The following MMS22L variants were observed in gnomAD, a reference collection of about 807,000 sequenced individuals.
The protein encoded by MMS22L is protein MMS22-like.
Under a neutral mutation model 159.1 loss-of-function variants are expected in MMS22L, and 74 were observed. The observed-to-expected ratio is 0.47, with a 90% CI of 0.39 to 0.56. The LOEUF is 0.56. Among genes scored for constraint, MMS22L ranks in the 20% least tolerant of loss-of-function variants. The pLI is 0.00. For missense variants in MMS22L, 1,351 were observed against 1,422.1 expected (o/e 0.95, Z 0.80); for synonymous variants, 517 against 506.9 (o/e 1.02, Z -0.27).
chr6:97,186,711 A>G (rs1805280389), intron 14 of MMS22L, 21 bp from the exon 15 acceptor site: 3 of 1,474,556 alleles, frequency 2.0e-6, no homozygotes, highest in East Asian at 5.0e-5. Flanking sequence ...ATAAAAATAC[A>G]GCTAACACCC....
chr6:97,162,631 TC>T (rs1031962330), intron 21 of MMS22L, among the ~76,000 whole-genome samples: 19 of 151,994 alleles, frequency 1.3e-4, no homozygotes, highest in African/African-American at 4.3e-4. Context: ...CAGAGGACTG[TC>T]CTAGGAATAA....
chr6:97,213,522 A>G (rs1179492898), intron 14 of MMS22L, among the ~76,000 whole-genome samples: 1 of 152,216 alleles, frequency 6.6e-6, no homozygotes, highest in African/African-American at 2.4e-5. Flanking sequence ...GAGAAGCAAT[A>G]GCAGCTGGGA....
intron 14 of MMS22L, among the ~76,000 whole-genome samples, chr6:97,227,736 T>C (rs1810413093): frequency 6.6e-6 from 1 of 152,208 alleles, no homozygotes; most frequent in East Asian, 1.9e-4. Flanking sequence ...AGTCTGTTTA[T>C]CTTTGGACAT....
In MMS22L at chr6:97,282,697, T is replaced by C. The variant is rs188549273; in HGVS notation, c.-76-144A>G. Reference sequence around the variant, plus strand: ...CCCCTCGCCCTCCGTCCATCAAGGCTGTCAGAACTTAAGACAAAATGCACA... The same window carrying C: ...CCCCTCGCCCTCCGTCCATCAAGGCCGTCAGAACTTAAGACAAAATGCACA... On this transcript the variant is annotated intron_variant, in intron 1 of 24. Coordinates refer to ENST00000683635, the MANE Select transcript of MMS22L (RefSeq NM_001350599.2). 1.3e-3 allele frequency: 631 copies of C among 499,522 alleles called. 6 individuals carry two copies. The highest frequency in any genetic ancestry group is 0.011 in the African/African-American group (586 of 51,480). 30.9% of individuals were successfully genotyped at this position (499,522 alleles called of 1,614,324 possible).
chr6:97,172,155 T>C (rs1803613270), intron 19 of MMS22L, among the ~76,000 whole-genome samples: 1 of 152,186 alleles, frequency 6.6e-6, no homozygotes, highest in Non-Finnish European at 1.5e-5. Flanking sequence ...AATGCCAATA[T>C]ATTTATTAAT....
At chr6:97,166,680 A>G (rs1226837181) in intron 20 of MMS22L, among the ~76,000 whole-genome samples, 1 of 152,140 alleles carries the variant, frequency 6.6e-6, no homozygotes, top group Non-Finnish European at 1.5e-5. Flanking sequence ...CTCCAGTTCT[A>G]CCAAACAGAT....
chr6:97,223,685 G>A (rs1809902726), intron 14 of MMS22L, among the ~76,000 whole-genome samples: 1 of 151,938 alleles, frequency 6.6e-6, no homozygotes, highest in African/African-American at 2.4e-5. Context: ...TTATTTTTAA[G>A]GTAAACAATC....
intron 9 of MMS22L, among the ~76,000 whole-genome samples, chr6:97,258,282 C>G (rs1225606589): frequency 2.0e-5 from 3 of 152,172 alleles, no homozygotes; most frequent in Non-Finnish European, 4.4e-5. Context: ...CTGACATGTA[C>G]TCATCATTTT....
At chr6:97,184,680 C>T (rs1442844203) in intron 15 of MMS22L, among the ~76,000 whole-genome samples, 1 of 152,050 alleles carries the variant, frequency 6.6e-6, no homozygotes, top group Non-Finnish European at 1.5e-5. Context: ...GATGGGAAAC[C>T]TGACCACTTC....
intron 21 of MMS22L, 152 bp downstream of exon 21, chr6:97,165,094 A>T: frequency 1.6e-6 from 1 of 640,176 alleles, no homozygotes; most frequent in Non-Finnish European, 2.7e-6. Flanking sequence ...ATGTCATTTT[A>T]ATAAAATCTT....
chr6:97,192,711 A>G (rs920990800), intron 14 of MMS22L, among the ~76,000 whole-genome samples: 1 of 152,210 alleles, frequency 6.6e-6, no homozygotes, highest in Non-Finnish European at 1.5e-5. Context: ...CTGCTGCAAG[A>G]ATTAAATAAG....
intron 24 of MMS22L, among the ~76,000 whole-genome samples, chr6:97,148,502 G>C (rs1801024432): frequency 6.6e-6 from 1 of 151,906 alleles, no homozygotes; most frequent in Non-Finnish European, 1.5e-5. Flanking sequence ...CAGTGATGTT[G>C]ATCATCCTGA....
chr6:97,258,719 T>A (rs1814102269), intron 9 of MMS22L: 1 of 152,220 alleles, frequency 6.6e-6, no homozygotes, highest in African/African-American at 2.4e-5. Context: ...ATAATAGATT[T>A]AAAATTGCTA....
In MMS22L at chr6:97,231,612, A is replaced by C. The variant is rs1441773949; in HGVS notation, c.1343T>G (p.Leu448Arg). The C allele has an allele frequency of 1.9e-6, 3 of 1,613,688 alleles. No homozygotes were observed. Among genetic ancestry groups the C allele is most frequent in the Non-Finnish European group, 2.5e-6 (3 of 1,179,748 alleles). Reference sequence around the variant, plus strand: ...CAAGGGTGACTTCATGGTATTAGCAAGGCCTTTAAAAGGAAGCCAAGAAAT... The same window carrying C: ...CAAGGGTGACTTCATGGTATTAGCACGGCCTTTAAAAGGAAGCCAAGAAAT... ...FSISWLPFKGLANTMKSPLSM... is the reference protein window; with the variant it reads ...FSISWLPFKGRANTMKSPLSM... Residue 448 changes from leucine to arginine, a missense_variant, in exon 13 of 25, where the codon CTT becomes CGT. Coordinates refer to ENST00000683635, the MANE Select transcript of MMS22L (RefSeq NM_001350599.2).
At chr6:97,171,610 A>G (rs968830982) in intron 19 of MMS22L, among the ~76,000 whole-genome samples, 2 of 152,224 alleles carry the variant, frequency 1.3e-5, no homozygotes, top group African/African-American at 4.8e-5. Context: ...TACAATTAAG[A>G]TCACAGATGC....
chr6:97,194,265 C>T (rs1393095368), intron 14 of MMS22L, among the ~76,000 whole-genome samples: 2 of 151,590 alleles, frequency 1.3e-5, no homozygotes, highest in Non-Finnish European at 2.9e-5. Context: ...ATCATGTTGG[C>T]CACGATGGTC....
intron 11 of MMS22L, among the ~76,000 whole-genome samples, chr6:97,243,218 T>C (rs546357982): frequency 6.6e-5 from 10 of 152,302 alleles, no homozygotes; most frequent in African/African-American, 2.2e-4. Flanking sequence ...CAATTATTCT[T>C]AGGTTTGGTC....
At chr6:97,171,991 T>C (rs1018531731) in intron 19 of MMS22L, among the ~76,000 whole-genome samples, 5 of 152,156 alleles carry the variant, frequency 3.3e-5, no homozygotes, top group Non-Finnish European at 5.9e-5. Flanking sequence ...GATCTGCGCA[T>C]GGAGACAAAA....
At chr6:97,205,234 T>C (rs1004234879) in intron 14 of MMS22L, among the ~76,000 whole-genome samples, 1 of 151,906 alleles carries the variant, frequency 6.6e-6, no homozygotes, top group African/African-American at 2.4e-5. Flanking sequence ...TGAGCCACCA[T>C]ACTCGGCCAC....
Sources: gnomAD v4.1 joint callset for allele counts (sites outside exome capture counted in the v4.1 genomes callset) on GRCh38, gnomAD v4.1.1 for gene constraint, MANE v1.5 for transcripts, NCBI Gene and HGNC (gene_info 2026-07-23, HGNC 2026-07-21) for gene names.